Variants in TRAK1 observed in about 807,000 individuals in gnomAD.
The protein encoded by TRAK1 is trafficking kinesin-binding protein 1.
TRAK1 carries 33 observed loss-of-function variants against 92.1 expected under a neutral mutation model. The ratio of observed to expected loss-of-function variants is 0.36; its 90% CI spans 0.27 to 0.48. The LOEUF (loss-of-function observed/expected upper bound fraction) is 0.48, where lower values mean the gene tolerates loss of function less well. Among genes scored for constraint, TRAK1 ranks in the 20% least tolerant of loss-of-function variants. TRAK1 has a pLI of 0.99. For synonymous variants in TRAK1, 521 were observed against 517.3 expected (o/e 1.01, Z -0.10); for missense variants, 1,123 against 1,257.9 (o/e 0.89, Z 1.62).
intron 1 of TRAK1, among the ~76,000 whole-genome samples, chr3:42,024,970 T>A (rs183856546): frequency 6.7e-4 from 102 of 152,358 alleles, no homozygotes; most frequent in African/African-American, 2.4e-3. Flanking sequence ...CACTTTCTGC[T>A]AGGCTTCCCC....
intron 13 of TRAK1, chr3:42,203,413 G>A (rs780801277): frequency 1.0e-6 from 1 of 984,342 alleles, no homozygotes; most frequent in Non-Finnish European, 1.2e-6. Flanking sequence ...CAGTTCATGT[G>A]TTAGTATCAG....
chr3:42,209,491 T>G (rs567371333), intron 13 of TRAK1, among the ~76,000 whole-genome samples: 81 of 152,286 alleles, frequency 5.3e-4, no homozygotes, highest in African/African-American at 1.9e-3. Context: ...AAACCTCTTT[T>G]GCACATACTA....
chr3:42,179,426 G>A (rs1703692749), intron 3 of TRAK1, among the ~76,000 whole-genome samples: 1 of 152,256 alleles, frequency 6.6e-6, no homozygotes, highest in Non-Finnish European at 1.5e-5. Flanking sequence ...AGCGTGGAGA[G>A]TTCGCTTCTG....
intron 14 of TRAK1, chr3:42,210,244 G>C: frequency 6.5e-7 from 1 of 1,526,926 alleles, no homozygotes; most frequent in Non-Finnish European, 8.8e-7. Context: ...GCTTCCGCTC[G>C]TCTGTGTGGG....
At chr3:42,114,688 A>G (rs1304038319) in intron 1 of TRAK1, among the ~76,000 whole-genome samples, 7 of 152,156 alleles carry the variant, frequency 4.6e-5, no homozygotes, top group Non-Finnish European at 8.8e-5. Context: ...GTTATTTGAT[A>G]ATTGTAGCAT....
rs1033456118 is a variant in TRAK1, at chr3:42,220,517, C to T, written c.2066+921C>T. The T allele has an allele frequency of 2.1e-5, 21 of 985,272 alleles. No homozygotes were observed. The South Asian group carries it at 5.2e-4, about 24-fold the overall frequency. The allele number at this position is 985,272 out of a possible 1,614,324, so 61.0% of individuals were successfully genotyped here. A position where few individuals can be genotyped will look rare whatever the true frequency, so the allele number is the denominator to read the frequency against. ...TCCGCAGGTCATGTGAGGAGGACGA[C>T]GAAGCAGCCATATGCCCCGTTGAGC... On this transcript the variant is annotated intron_variant, in intron 15 of 15. Coordinates refer to ENST00000327628, the MANE Select transcript of TRAK1 (RefSeq NM_001042646.3).
At chr3:42,164,176 A>G (rs111371429) in intron 2 of TRAK1, among the ~76,000 whole-genome samples, 16 of 152,334 alleles carry the variant, frequency 1.1e-4, no homozygotes, top group African/African-American at 3.6e-4. Context: ...GTGGAGCAGA[A>G]ATACTCTGTG....
At chr3:42,127,782 C>A (rs1248792287) in intron 2 of TRAK1, among the ~76,000 whole-genome samples, 1 of 152,162 alleles carries the variant, frequency 6.6e-6, no homozygotes, top group Non-Finnish European at 1.5e-5. Flanking sequence ...CTGTAAAATG[C>A]CTACAGTTGG....
intron 2 of TRAK1, among the ~76,000 whole-genome samples, chr3:42,155,885 A>G (rs980016583): frequency 5.9e-5 from 9 of 152,126 alleles, no homozygotes; most frequent in Admixed American, 2.6e-4. Flanking sequence ...GATGACTTCT[A>G]TGGAGTATGT....
chr3:42,024,272 A>T (rs947821223), intron 1 of TRAK1, among the ~76,000 whole-genome samples: 2 of 152,198 alleles, frequency 1.3e-5, no homozygotes, highest in African/African-American at 4.8e-5. Flanking sequence ...TAGGGTTCAC[A>T]GGGTTACTCT....
chr3:42,223,524 C>T lies in TRAK1; in HGVS notation c.2649C>T (p.Ala883=), dbSNP rs775343800. The T allele has an allele frequency of 1.2e-6, 2 of 1,613,778 alleles. No individual in the cohort carries two copies. Among genetic ancestry groups the T allele is most frequent in the Non-Finnish European group, 1.7e-6 (2 of 1,179,938 alleles). ...GTGGGCCCCCGGGGCCAGCACCAGC[C>T]CTTGTTCCCAGAGGCCTGGTACCTG... ...LLCGPPGPAP[A]LVPRGLVPEG... is the part of the protein sequence containing the mutation. Residue 883 remains alanine (A), a synonymous_variant, in exon 16 of 16, where the codon GCC becomes GCT. Coordinates refer to ENST00000327628, the MANE Select transcript of TRAK1 (RefSeq NM_001042646.3). The surrounding 1 kb of genome is among the most constrained non-coding windows in gnomAD (Gnocchi z 6.1).
chr3:42,033,768 T>C (rs12107042), intron 1 of TRAK1, among the ~76,000 whole-genome samples: 17,622 of 152,152 alleles, frequency 0.12, 3,169 homozygotes, highest in African/African-American at 0.38. Context: ...GTGAAGGAGA[T>C]CTCTGATCTC....
intron 14 of TRAK1, chr3:42,219,165 A>G: frequency 1.0e-6 from 1 of 985,116 alleles, no homozygotes; most frequent in South Asian, 4.7e-5. Flanking sequence ...AGGGAAACCA[A>G]ATTTATCCCA....
intron 3 of TRAK1, among the ~76,000 whole-genome samples, chr3:42,182,028 C>G (rs1474594911): frequency 6.7e-6 from 1 of 149,494 alleles, no homozygotes; most frequent in African/African-American, 2.5e-5. Flanking sequence ...GTCTTGAACT[C>G]CTGTGCTCAG....
intron 2 of TRAK1, among the ~76,000 whole-genome samples, chr3:42,148,865 G>C (rs1350075988): frequency 1.3e-5 from 2 of 152,296 alleles, no homozygotes; most frequent in South Asian, 2.1e-4. Flanking sequence ...CAAAAGTAAT[G>C]ATTTGCAGAT....
At chr3:42,121,689 G>T (rs757670806) in intron 1 of TRAK1, among the ~76,000 whole-genome samples, 47 of 152,214 alleles carry the variant, frequency 3.1e-4, no homozygotes, top group Admixed American at 3.3e-4. Flanking sequence ...TTGTGGCCAA[G>T]GTTAAGGAGA....
chr3:42,204,774 G>T (rs1326258375), intron 13 of TRAK1, among the ~76,000 whole-genome samples: 2 of 152,080 alleles, frequency 1.3e-5, no homozygotes, highest in Non-Finnish European at 2.9e-5. Flanking sequence ...TAGAGACAGG[G>T]TCTTACTATG....
intron 1 of TRAK1, among the ~76,000 whole-genome samples, chr3:42,103,884 G>GT (rs1189213174): frequency 1.3e-5 from 2 of 152,222 alleles, no homozygotes; most frequent in Admixed American, 1.3e-4. Context: ...ACCTCACCCA[G>GT]TAAGTGCAAG....
rs768343666 is a variant in TRAK1 at position 42,185,992 on chromosome 3, TTTTTTTTTG to T, written c.480+1192_480+1200del. 4.3e-3 allele frequency among the ~76,000 whole-genome samples: 380 copies of T among 88,978 alleles called. 12 individuals carry two copies. The highest frequency in any genetic ancestry group is 0.016 in the East Asian group (22 of 1,402). The allele number at this position is 88,978 out of a possible 152,430, so 58.4% of individuals were successfully genotyped here. On this transcript the variant is annotated intron_variant, in intron 4 of 15. Coordinates refer to ENST00000327628, the MANE Select transcript of TRAK1 (RefSeq NM_001042646.3). ...CCCAGCCTTTTTTTTTTTTTTTTTTTTTTTTTTTGAGATAAGGTCTCACTCTGTCACTCA... is the reference window on the plus strand; with the variant it reads ...CCCAGCCTTTTTTTTTTTTTTTTTTTAGATAAGGTCTCACTCTGTCACTCA...
Sources: gnomAD v4.1 joint callset for allele counts (sites outside exome capture counted in the v4.1 genomes callset) on GRCh38, gnomAD v4.1.1 for gene constraint, Gnocchi (gnomAD v3.1) non-coding constraint, MANE v1.5 for transcripts, NCBI Gene and HGNC (gene_info 2026-07-23, HGNC 2026-07-21) for gene names.